Variants in LRIF1 observed in about 807,000 individuals in gnomAD.
LRIF1 encodes the protein ligand-dependent nuclear receptor-interacting factor 1.
Under a neutral mutation model 52.7 loss-of-function variants are expected in LRIF1, and 32 were observed. The observed-to-expected ratio is 0.61, with a 90% CI of 0.46 to 0.82. LRIF1 has a LOEUF of 0.82. Among genes scored for constraint, LRIF1 ranks in the 40% least tolerant of loss-of-function variants. LRIF1 has a pLI of 0.00. For missense variants in LRIF1, 887 were observed against 892.0 expected (o/e 0.99, Z 0.07); for synonymous variants, 323 against 317.4 (o/e 1.02, Z -0.19).
intron 3 of LRIF1, 152 bp downstream of exon 3, chr1:110,949,699 G>T: frequency 1.1e-6 from 1 of 877,608 alleles, no homozygotes; most frequent in Non-Finnish European, 1.7e-6. Context: ...GGGCCTGGTT[G>T]TTTTAAATAT....
intron 1 of LRIF1, 117 bp downstream of exon 1, chr1:110,963,504 G>T: frequency 1.3e-6 from 1 of 753,574 alleles, no homozygotes; most frequent in Non-Finnish European, 2.1e-6. Flanking sequence ...CCTGGGTGGC[G>T]CACTCTGCGG....
At chr1:110,942,359 T>C (rs539497220), downstream of LRIF1, 47 of 152,232 alleles carry the variant, frequency 3.1e-4, no homozygotes, top group African/African-American at 1.0e-3. Context: ...ATTTTCCCTA[T>C]GTTTTAAGGT....
At chr1:110,896,670 A>C in the LRIF1 span, 2 of 1,613,422 alleles carry the variant, frequency 1.2e-6, no homozygotes, top group Non-Finnish European at 1.7e-6. Context: ...GTTGTGGTAT[A>C]AATGGCACGA....
chr1:110,934,674 G>C, the LRIF1 span, among the ~76,000 whole-genome samples: 3 of 152,222 alleles, frequency 2.0e-5, no homozygotes, highest in Admixed American at 2.0e-4. Context: ...TTCAGTCACA[G>C]TATAATAGAA....
At chr1:110,918,505 A>C in the LRIF1 span, among the ~76,000 whole-genome samples, 1 of 152,214 alleles carries the variant, frequency 6.6e-6, no homozygotes, top group African/African-American at 2.4e-5. Context: ...AATGAAAGAA[A>C]AAAACTCAGG....
At chr1:110,935,215 G>A in the LRIF1 span, among the ~76,000 whole-genome samples, 1 of 152,314 alleles carries the variant, frequency 6.6e-6, no homozygotes, top group South Asian at 2.1e-4. Context: ...AAAAAGGACA[G>A]GTACAAACAA....
At chr1:110,903,544 T>C in the LRIF1 span, among the ~76,000 whole-genome samples, 1 of 152,224 alleles carries the variant, frequency 6.6e-6, no homozygotes, top group Middle Eastern at 3.4e-3. Flanking sequence ...TCCATTGCCT[T>C]GAAGGGAAGA....
the LRIF1 span, among the ~76,000 whole-genome samples, chr1:110,915,873 G>A: frequency 6.6e-6 from 1 of 152,116 alleles, no homozygotes; most frequent in Non-Finnish European, 1.5e-5. Flanking sequence ...CTTTTAAAAA[G>A]CAACAGATTG....
At chr1:110,884,146 T>A in the LRIF1 span, among the ~76,000 whole-genome samples, 2 of 152,084 alleles carry the variant, frequency 1.3e-5, no homozygotes, top group Non-Finnish European at 2.9e-5. Flanking sequence ...GCTATAGACA[T>A]TTAGCACTAA....
chr1:110,941,598 CTAGT>C, the LRIF1 span: 11 of 152,022 alleles, frequency 7.2e-5, no homozygotes, highest in African/African-American at 1.2e-4. Flanking sequence ...TTAGAGTTAC[CTAGT>C]TATTTTCTTC....
At chr1:110,935,741 T>A in the LRIF1 span, among the ~76,000 whole-genome samples, 13 of 152,142 alleles carry the variant, frequency 8.5e-5, no homozygotes, top group African/African-American at 2.4e-4. Flanking sequence ...GTTATTGGCC[T>A]TAAAGAGGAG....
the LRIF1 span, among the ~76,000 whole-genome samples, chr1:110,932,689 C>A: frequency 6.6e-6 from 1 of 152,122 alleles, no homozygotes; most frequent in Non-Finnish European, 1.5e-5. Flanking sequence ...TGCTACAAAG[C>A]TGCTATCTTT....
chr1:110,928,638 G>C, the LRIF1 span, among the ~76,000 whole-genome samples: 2 of 152,158 alleles, frequency 1.3e-5, no homozygotes, highest in African/African-American at 4.8e-5. Context: ...ATTCTAAGAA[G>C]CTAGTGAGTG....
the LRIF1 span, among the ~76,000 whole-genome samples, chr1:110,919,833 GA>G: frequency 6.6e-6 from 1 of 152,092 alleles, no homozygotes; most frequent in Non-Finnish European, 1.5e-5. Flanking sequence ...AATAACCCAA[GA>G]ACTCTTAAAA....
chr1:110,963,217 T>C (rs1373270166), intron 1 of LRIF1: 2 of 155,302 alleles, frequency 1.3e-5, no homozygotes, highest in Non-Finnish European at 2.9e-5. Context: ...TAAAATCTAT[T>C]TTCACTGAAG....
the LRIF1 span, among the ~76,000 whole-genome samples, chr1:110,875,029 C>G: frequency 6.6e-6 from 1 of 152,172 alleles, no homozygotes; most frequent in Non-Finnish European, 1.5e-5. Context: ...GTGCTCTTTT[C>G]TATAATAGAT....
At chr1:110,897,969 C>A in the LRIF1 span, 6 of 768,186 alleles carry the variant, frequency 7.8e-6, no homozygotes, top group Admixed American at 1.3e-4. Flanking sequence ...ATACCAGGTA[C>A]ACAGTATTTA....
downstream of LRIF1, among the ~76,000 whole-genome samples, chr1:110,945,603 T>TTA (rs1466794892): frequency 2.6e-5 from 4 of 152,108 alleles, no homozygotes; most frequent in African/African-American, 9.7e-5. Context: ...TTTTTCTACT[T>TTA]TTAGTAGAGA....
Position 110,959,202 on chromosome 1 carries a change from T to TAAAAGAGTTTA in LRIF1, c.68+4418_68+4419insTAAACTCTTTT, listed in dbSNP as rs1553211655. Among the ~76,000 whole-genome samples the TAAAAGAGTTTA allele has an allele frequency of 2.8e-4, 42 of 152,246 alleles. 1 individual carries two copies. The South Asian group carries it at 8.3e-3, about 30-fold the overall frequency. On this transcript the variant is annotated intron_variant, in intron 1 of 3. Transcript: ENST00000369763. ...ACTACATTTGAAAAATAATACAGTTTAACAGTTTAAAAGAGAAAAGAGGAA... is the reference window on the plus strand; with the variant it reads ...ACTACATTTGAAAAATAATACAGTTTAAAAGAGTTTAAACAGTTTAAAAGAGAAAAGAGGAA...
Sources: allele counts gnomAD v4.1 joint callset (sites outside exome capture counted in the v4.1 genomes callset), GRCh38; gene constraint gnomAD v4.1.1; transcripts MANE v1.5; gene names NCBI Gene and HGNC (gene_info 2026-07-23, HGNC 2026-07-21).